KRT86: variants seen among roughly 807,000 people sequenced by gnomAD.
KRT86 encodes keratin, type II cuticular Hb6.
KRT86 carries 30 observed loss-of-function variants against 41.2 expected under a neutral mutation model. The ratio of observed to expected loss-of-function variants is 0.73; its 90% CI spans 0.54 to 0.99. KRT86 has a LOEUF of 0.99. KRT86 is among the 50% of genes least tolerant of loss of function. The pLI is 0.00. For missense variants in KRT86, 561 were observed against 571.4 expected, an observed-to-expected ratio of 0.98 and a Z score of 0.19; for synonymous variants, 238 against 238.1, an observed-to-expected ratio of 1.00 and a Z score of 0.00.
intron 2 of KRT86, among the ~76,000 whole-genome samples, chr12:52,299,571 A>T (rs1364018151): frequency 1.3e-5 from 2 of 152,216 alleles, no homozygotes; most frequent in South Asian, 2.1e-4. Flanking sequence ...AGCAGTGTAC[A>T]AGTGTTCCCC....
chr12:52,286,861 C>A (rs370632532), intron 2 of KRT86: 1 of 1,611,466 alleles, frequency 6.2e-7, no homozygotes, highest in African/African-American at 1.3e-5. Flanking sequence ...TAGTGACTGC[C>A]CCAGAGTGGC....
In KRT86 at chr12:52,287,280, C is replaced by G. The variant is rs756583094; in HGVS notation, c.-5+11334C>G. 8.1e-6 allele frequency: 13 copies of G among 1,614,084 alleles called. No individual in the cohort carries two copies. The East Asian group carries it at 2.7e-4, about 33-fold the overall frequency. On this transcript the variant is annotated intron_variant, in intron 2 of 10. Transcript: ENST00000423955. ...CGGGCATCACTGAGGGCCGCCTCACCCTGCTGCTCAGACTGGGCCACCGCG... is the reference window on the plus strand; with the variant it reads ...CGGGCATCACTGAGGGCCGCCTCACGCTGCTGCTCAGACTGGGCCACCGCG...
rs557287445 is a variant in KRT86, at chr12:52,301,849, C to A, written c.-4-64C>A. On this transcript the variant is annotated intron_variant, in intron 2 of 10. Coordinates refer to ENST00000423955, the MANE Select transcript of KRT86 (RefSeq NM_001320198.2). ...GGTGCAAGTAGTGAACGCCTGACGC[C>A]CCGACCACTGTGCTCTCCATTCGGA... 6.2e-6 allele frequency: 10 copies of A among 1,613,380 alleles called. No homozygotes were observed. In the South Asian group the frequency reaches 9.9e-5, roughly 16 times the overall value.
At chr12:52,291,457 G>T (rs1191423555) in intron 2 of KRT86, 10 of 1,612,830 alleles carry the variant, frequency 6.2e-6, no homozygotes, top group South Asian at 1.1e-5. Context: ...ATCCTGATCC[G>T]CAGGTCATGA....
At chr12:52,306,512 T>C (rs914721821) in intron 9 of KRT86, 1 of 680,144 alleles carries the variant, frequency 1.5e-6, no homozygotes, top group South Asian at 2.0e-5. Flanking sequence ...GATCCAGTAA[T>C]CTGGCAGCAG....
chr12:52,291,947 A>G (rs904035249), intron 2 of KRT86, among the ~76,000 whole-genome samples: 1 of 152,142 alleles, frequency 6.6e-6, no homozygotes, highest in East Asian at 1.9e-4. Flanking sequence ...AGGCTGAGGC[A>G]TTAATAAATA....
chr12:52,308,293 C>A, intron 10 of KRT86, 29 bp downstream of exon 10: 2 of 1,614,108 alleles, frequency 1.2e-6, no homozygotes, highest in Non-Finnish European at 1.7e-6. Flanking sequence ...CCCCTCCTCC[C>A]GCTGGGCGGG....
intron 2 of KRT86, among the ~76,000 whole-genome samples, chr12:52,282,912 C>T (rs547276459): frequency 5.2e-4 from 79 of 152,252 alleles, no homozygotes; most frequent in Non-Finnish European, 1.0e-3. Context: ...CTCACACACA[C>T]GTTTCCACAC....
At chr12:52,306,397 A>T (rs1592440550) in intron 9 of KRT86, 117 bp downstream of exon 9, 1 of 1,513,450 alleles carries the variant, frequency 6.6e-7, no homozygotes, top group East Asian at 2.3e-5. Context: ...CTGCAACCAG[A>T]CAGGTAATTT....
At chr12:52,291,449 C>T (rs1460194220) in intron 2 of KRT86, 8 of 1,612,904 alleles carry the variant, frequency 5.0e-6, no homozygotes, top group African/African-American at 2.7e-5. Flanking sequence ...CCCACCAAAT[C>T]CTGATCCGCA....
intron 2 of KRT86, among the ~76,000 whole-genome samples, chr12:52,282,390 G>A (rs549711386): frequency 1.3e-5 from 2 of 152,112 alleles, no homozygotes; most frequent in East Asian, 3.9e-4. Context: ...CTGCCACCGT[G>A]ATGGGCTAAT....
intron 2 of KRT86, among the ~76,000 whole-genome samples, chr12:52,299,696 A>G (rs1938328918): frequency 6.6e-6 from 1 of 152,172 alleles, no homozygotes; most frequent in Admixed American, 6.5e-5. Flanking sequence ...CTTTGATGAT[A>G]TGTTGAGCAT....
chr12:52,288,118 C>G, intron 2 of KRT86: 2 of 1,614,152 alleles, frequency 1.2e-6, no homozygotes, highest in South Asian at 2.2e-5. Context: ...ACGGAGGTGT[C>G]TGAGATGTGC....
chr12:52,306,095 G>A lies in KRT86; in HGVS notation c.1062G>A (p.Glu354=), dbSNP rs746358096. The A allele has an allele frequency of 1.9e-6, 3 of 1,613,948 alleles. No homozygotes were observed. The African/African-American group carries it at 4.0e-5, about 22-fold the overall frequency. ...SKLEAAVAQS[E]QQGEAALSDA... ...TGGAGGCTGCGGTGGCTCAGTCTGAGCAGCAGGGTGAGGCGGCCCTCAGCG... is the reference window on the plus strand; with the variant it reads ...TGGAGGCTGCGGTGGCTCAGTCTGAACAGCAGGGTGAGGCGGCCCTCAGCG... Residue 354 remains glutamate (E), a synonymous_variant, in exon 9 of 11, where the codon GAG becomes GAA. Transcript: ENST00000423955.
At position 52,308,660 on chromosome 12, in the gene KRT86, C is replaced by G; in HGVS notation, c.*75C>G. 6.9e-6 allele frequency: 10 copies of G among 1,453,196 alleles called. No individual in the cohort carries two copies. Among genetic ancestry groups the G allele is most frequent in the Non-Finnish European group, 9.4e-6 (10 of 1,066,116 alleles). 90.0% of individuals were successfully genotyped at this position (1,453,196 alleles called of 1,614,324 possible). ...AGTACCTCGCGCCACCAGAACGCGCCGCCCGCGCCGGCCTCCCAATAGCCG... is the reference window on the plus strand; with the variant it reads ...AGTACCTCGCGCCACCAGAACGCGCGGCCCGCGCCGGCCTCCCAATAGCCG... On this transcript the variant is annotated 3_prime_UTR_variant, in exon 11 of 11. Coordinates refer to ENST00000423955, the MANE Select transcript of KRT86 (RefSeq NM_001320198.2).
intron 1 of KRT86, among the ~76,000 whole-genome samples, 179 bp from the exon 2 acceptor site, chr12:52,275,642 G>C (rs770632600): frequency 3.3e-5 from 5 of 152,216 alleles, no homozygotes; most frequent in Non-Finnish European, 7.3e-5. Context: ...CACAAGGCAA[G>C]CTCACTGTGT....
Position 52,308,709 on chromosome 12 carries a change from C to A in KRT86, c.*124C>A. The A allele has an allele frequency of 1.1e-6, 1 of 944,304 alleles. No individual in the cohort carries two copies. The highest frequency in any genetic ancestry group is 1.6e-6 in the Non-Finnish European group (1 of 625,964). 58.5% of individuals were successfully genotyped at this position (944,304 alleles called of 1,614,324 possible). A position where few individuals can be genotyped will look rare whatever the true frequency, so the allele number is the denominator to read the frequency against. ...CGCCGCCCGCTGCCTGCACTCTAAG[C>A]GCCCTCCCCACCGCTCCGCTCCGGG... On this transcript the variant is annotated 3_prime_UTR_variant, in exon 11 of 11. Transcript: ENST00000423955.
rs533220735 is a variant in KRT86 at position 52,305,573 on chromosome 12, A to G, written c.901-90A>G. 3.1e-6 allele frequency: 5 copies of G among 1,608,138 alleles called. No individual in the cohort carries two copies. The Admixed American group carries it at 8.4e-5, about 27-fold the overall frequency. ...CTGCCATGTGTGGTTGCACAGGCTG[A>G]GCACTGCACAACCTGCAAAATCATC... On this transcript the variant is annotated intron_variant, in intron 7 of 10. Transcript: ENST00000423955.
At chr12:52,282,326 G>A (rs551161587) in intron 2 of KRT86, among the ~76,000 whole-genome samples, 3 of 151,502 alleles carry the variant, frequency 2.0e-5, no homozygotes, top group South Asian at 4.2e-4. Flanking sequence ...TCCGCCTCCC[G>A]GGTTCACACC....
Sources: allele counts gnomAD v4.1 joint callset (sites outside exome capture counted in the v4.1 genomes callset), GRCh38; gene constraint gnomAD v4.1.1; transcripts MANE v1.5; gene names NCBI Gene and HGNC (gene_info 2026-07-23, HGNC 2026-07-21).